Variants in FOXN3 observed in about 807,000 individuals in gnomAD.
The protein encoded by FOXN3 is forkhead box protein N3.
A neutral mutation model predicts 38.4 loss-of-function variants in FOXN3; 7 were observed. The observed-to-expected ratio is 0.18, with a 90% CI of 0.10 to 0.34. The LOEUF (loss-of-function observed/expected upper bound fraction) is 0.34, where lower values mean the gene tolerates loss of function less well. Ranked by LOEUF, FOXN3 falls within the 10% of genes least tolerant of loss-of-function variation. The probability of loss-of-function intolerance (pLI) is 1.00; values close to 1 mark genes in which losing one functional copy is unlikely to be tolerated. For synonymous variants in FOXN3, 230 were observed against 242.2 expected, an observed-to-expected ratio of 0.95 and a Z score of 0.47; for missense variants, 456 against 613.4, an observed-to-expected ratio of 0.74 and a Z score of 2.71.
intron 4 of FOXN3, among the ~76,000 whole-genome samples, chr14:89,192,750 T>A (rs1887992231): frequency 6.8e-6 from 1 of 146,464 alleles, no homozygotes; most frequent in Admixed American, 6.8e-5. Flanking sequence ...TATACTATCA[T>A]ATATAATAGT....
At chr14:89,414,272 G>A (rs1364168054) in intron 1 of FOXN3, among the ~76,000 whole-genome samples, 2 of 149,488 alleles carry the variant, frequency 1.3e-5, no homozygotes, top group African/African-American at 4.9e-5. Context: ...ACTCCAGCCT[G>A]GGCAACAGAG....
intron 1 of FOXN3, among the ~76,000 whole-genome samples, chr14:89,470,860 C>A (rs992208279): frequency 2.0e-5 from 3 of 152,160 alleles, no homozygotes; most frequent in African/African-American, 7.2e-5. Context: ...GCTTCCCTGA[C>A]CTTCATGAGG....
At chr14:89,208,762 A>G (rs1888449430) in intron 4 of FOXN3, among the ~76,000 whole-genome samples, 1 of 152,192 alleles carries the variant, frequency 6.6e-6, no homozygotes, top group African/African-American at 2.4e-5. Context: ...ACCCTCTGAA[A>G]TCATCTTACT....
intron 1 of FOXN3, among the ~76,000 whole-genome samples, chr14:89,413,664 A>G (rs1229816991): frequency 7.5e-6 from 1 of 132,694 alleles, no homozygotes; most frequent in African/African-American, 2.8e-5. Context: ...GAAGAAGGGA[A>G]GGGAATGGAA....
At chr14:89,585,821 G>A (rs1895830715) in intron 1 of FOXN3, among the ~76,000 whole-genome samples, 1 of 151,714 alleles carries the variant, frequency 6.6e-6, no homozygotes, top group Non-Finnish European at 1.5e-5. Context: ...ACAACAAATA[G>A]TAAATTACAT....
At chr14:89,432,533 C>T (rs1892181076) in intron 1 of FOXN3, among the ~76,000 whole-genome samples, 1 of 152,202 alleles carries the variant, frequency 6.6e-6, no homozygotes, top group Non-Finnish European at 1.5e-5. Context: ...AGGATAGGTG[C>T]TGTCATCCTC....
At chr14:89,326,550 T>C (rs1022722932) in intron 3 of FOXN3, among the ~76,000 whole-genome samples, 2 of 152,184 alleles carry the variant, frequency 1.3e-5, no homozygotes, top group Non-Finnish European at 2.9e-5. Context: ...AAGTAATGAA[T>C]TTTGTGATAG....
At chr14:89,510,415 A>C (rs1267325372) in intron 1 of FOXN3, among the ~76,000 whole-genome samples, 1 of 152,194 alleles carries the variant, frequency 6.6e-6, no homozygotes, top group Non-Finnish European at 1.5e-5. Flanking sequence ...CCAGCCCTGC[A>C]TATGCACTGA....
chr14:89,543,967 C>T (rs896926983), intron 1 of FOXN3, among the ~76,000 whole-genome samples: 5 of 152,018 alleles, frequency 3.3e-5, no homozygotes, highest in Non-Finnish European at 5.9e-5. Flanking sequence ...GATGGAGCTT[C>T]GATGTAATGG....
intron 1 of FOXN3, among the ~76,000 whole-genome samples, chr14:89,521,511 A>G (rs1894318333): frequency 6.6e-6 from 1 of 152,172 alleles, no homozygotes; most frequent in African/African-American, 2.4e-5. Flanking sequence ...CTCTGAGACT[A>G]TTTATCTATC....
intron 4 of FOXN3, among the ~76,000 whole-genome samples, chr14:89,219,904 G>A: frequency 6.6e-6 from 1 of 152,182 alleles, no homozygotes; most frequent in East Asian, 1.9e-4. Flanking sequence ...GGCTAGGTTT[G>A]CCAGAAGCTG....
At chr14:89,439,759 C>T (rs187105577) in intron 1 of FOXN3, among the ~76,000 whole-genome samples, 7 of 151,634 alleles carry the variant, frequency 4.6e-5, no homozygotes, top group African/African-American at 1.7e-4. Flanking sequence ...AGGTTCACGC[C>T]ATTCTCCTGC....
chr14:89,550,483 G>A (rs1390749829), intron 1 of FOXN3, among the ~76,000 whole-genome samples: 1 of 152,158 alleles, frequency 6.6e-6, no homozygotes, highest in Non-Finnish European at 1.5e-5. Flanking sequence ...GGTGTCTGCT[G>A]GGCCAAATTG....
intron 1 of FOXN3, among the ~76,000 whole-genome samples, chr14:89,563,440 T>C (rs769250834): frequency 6.6e-6 from 1 of 152,222 alleles, no homozygotes; most frequent in African/African-American, 2.4e-5. Context: ...ACAGGTCTTG[T>C]GGCTGCTAAT....
In FOXN3 at chr14:89,166,096, C is replaced by A. The variant is rs76715524; in HGVS notation, c.852-3127G>T. Reference sequence around the variant, plus strand: ...TGAAGGGTCTGTGCTATTCATTGTGCTTTTCTTTCCCTTTTTTCCTAAGTT... The same window carrying A: ...TGAAGGGTCTGTGCTATTCATTGTGATTTTCTTTCCCTTTTTTCCTAAGTT... On this transcript the variant is annotated intron_variant, in intron 5 of 5. Coordinates refer to ENST00000557258, the MANE Select transcript of FOXN3 (RefSeq NM_005197.4). 5.3e-5 allele frequency among the ~76,000 whole-genome samples: 8 copies of A among 152,222 alleles called. No individual in the cohort carries two copies. The East Asian group carries it at 1.5e-3, about 29-fold the overall frequency.
chr14:89,473,531 A>G (rs553120154), intron 1 of FOXN3, among the ~76,000 whole-genome samples: 38 of 152,174 alleles, frequency 2.5e-4, no homozygotes, highest in Non-Finnish European at 4.9e-4. Flanking sequence ...GCACACCATC[A>G]TACCTGGTTA....
At chr14:89,509,056 T>C (rs1894004602) in intron 1 of FOXN3, among the ~76,000 whole-genome samples, 1 of 152,008 alleles carries the variant, frequency 6.6e-6, no homozygotes, top group Admixed American at 6.6e-5. Context: ...CTGATACTGC[T>C]CTGAGCTCAT....
chr14:89,344,851 C>T (rs545750904), intron 3 of FOXN3, among the ~76,000 whole-genome samples: 5 of 152,112 alleles, frequency 3.3e-5, no homozygotes, highest in Non-Finnish European at 5.9e-5. Context: ...CATTAAAATA[C>T]GCATATTCTT....
chr14:89,267,217 G>A (rs370904628), intron 4 of FOXN3, among the ~76,000 whole-genome samples: 258 of 152,256 alleles, frequency 1.7e-3, no homozygotes, highest in African/African-American at 5.4e-3. Context: ...CAGGGTAGAC[G>A]GTACAATTTA....
Sources: gnomAD v4.1 joint callset for allele counts (sites outside exome capture counted in the v4.1 genomes callset) on GRCh38, gnomAD v4.1.1 for gene constraint, MANE v1.5 for transcripts, NCBI Gene and HGNC (gene_info 2026-07-23, HGNC 2026-07-21) for gene names.